The following FGL1 variants were observed in gnomAD, a reference collection of about 807,000 sequenced individuals.
FGL1 encodes fibrinogen-like protein 1.
Under a neutral mutation model 43.7 loss-of-function variants are expected in FGL1, and 59 were observed. The observed-to-expected ratio is 1.35, with a 90% CI of 1.10 to 1.68. FGL1 has a LOEUF of 1.68. FGL1 is among the 40% of genes most tolerant of loss of function. The probability of loss-of-function intolerance (pLI) is 0.00; values close to 1 mark genes in which losing one functional copy is unlikely to be tolerated. For synonymous variants in FGL1, 192 were observed against 126.5 expected (o/e 1.52, Z -3.48); for missense variants, 596 against 373.0 (o/e 1.60, Z -4.92).
rs188763631 is a variant in FGL1 at position 17,868,781 on chromosome 8, C to A, written c.592-46G>T. On this transcript the variant is annotated intron_variant, in intron 6 of 7. Transcript: ENST00000427924. ...TGCTGTCAGTGGAGTTCCTCTATGA[C>A]CATTTTAAAATTAAGTTTATTTCAT... 75 of 1,540,764 alleles carry A rather than the reference C, an allele frequency of 4.9e-5. No individual in the cohort carries two copies. The East Asian group carries it at 1.6e-3, about 33-fold the overall frequency.
chr8:17,865,656 A>T (rs1006614726), intron 7 of FGL1, among the ~76,000 whole-genome samples: 7 of 152,206 alleles, frequency 4.6e-5, no homozygotes, highest in African/African-American at 1.7e-4. Flanking sequence ...TGTCCTTGAT[A>T]TGTATAATTT....
rs770614549 is a variant in FGL1 at position 17,885,518 on chromosome 8, C to T, written c.37G>A (p.Ala13Thr). 1.4e-5 allele frequency: 23 copies of T among 1,613,416 alleles called. No homozygotes were observed. The highest frequency in any genetic ancestry group is 3.3e-4 in the Middle Eastern group (2 of 6,082). Residue 13 changes from alanine (A) to threonine (T), a missense_variant, in exon 2 of 8, where the codon GCT becomes ACT. Physicochemically the swap from Ala to Thr is moderately conservative, Grantham distance 58. Transcript: ENST00000427924. ...GAAATTTCCCTGCCCATTGTCAGAGCGGTGGTAACAAGGATGAAACTGAAC... is the reference window on the plus strand; with the variant it reads ...GAAATTTCCCTGCCCATTGTCAGAGTGGTGGTAACAAGGATGAAACTGAAC... ...KVFSFILVTT[A>T]LTMGREISAL... is the part of the protein sequence containing the mutation.
In FGL1 at chr8:17,874,309, A is replaced by T. The variant is rs1233865590; in HGVS notation, c.404+53T>A. Reference sequence around the variant, plus strand: ...AGGATATGATCAAAATATTTGACTTATAAATCTCACATTTGCTGCTACATA... The same window carrying T: ...AGGATATGATCAAAATATTTGACTTTTAAATCTCACATTTGCTGCTACATA... On this transcript the variant is annotated intron_variant, in intron 4 of 7. Transcript: ENST00000427924. 9 of 1,567,744 alleles carry T rather than the reference A, an allele frequency of 5.7e-6. No homozygotes were observed. The African/African-American group carries it at 1.2e-4, about 22-fold the overall frequency.
Position 17,881,996 on chromosome 8 carries a change from G to T in FGL1, c.244+3C>A. The T allele has an allele frequency of 1.2e-6, 2 of 1,613,144 alleles. No homozygotes were observed. Among genetic ancestry groups the T allele is most frequent in the South Asian group, 2.2e-5 (2 of 90,838 alleles). On this transcript the variant is annotated splice_donor_region_variant and intron_variant, in intron 3 of 7. Transcript: ENST00000427924. ...GAAACACTTAAGAAAAGTCCATTCTGACCTGCATACTGCCTCTTGCTTCCA... is the reference window on the plus strand; with the variant it reads ...GAAACACTTAAGAAAAGTCCATTCTTACCTGCATACTGCCTCTTGCTTCCA...
chr8:17,876,852 T>C (rs1184493101), intron 3 of FGL1, among the ~76,000 whole-genome samples: 2 of 152,244 alleles, frequency 1.3e-5, no homozygotes, highest in African/African-American at 4.8e-5. Context: ...GTTATTATTT[T>C]ATGCTAACTG....
intron 1 of FGL1, among the ~76,000 whole-genome samples, chr8:17,888,213 T>C (rs188816342): frequency 3.3e-5 from 5 of 152,308 alleles, no homozygotes; most frequent in Admixed American, 3.3e-4. Flanking sequence ...ACCCTCTGTG[T>C]ATTTTTATAA....
At chr8:17,886,705 C>A (rs978936563) in intron 1 of FGL1, among the ~76,000 whole-genome samples, 1 of 152,068 alleles carries the variant, frequency 6.6e-6, no homozygotes. Context: ...TTGCAGTGAG[C>A]CGAGATCGTG....
intron 1 of FGL1, among the ~76,000 whole-genome samples, chr8:17,890,010 A>T (rs1413249994): frequency 6.6e-6 from 1 of 152,250 alleles, no homozygotes; most frequent in Admixed American, 6.5e-5. Context: ...ATGTTAATAC[A>T]TTAATGTGTG....
intron 5 of FGL1, among the ~76,000 whole-genome samples, chr8:17,870,195 AC>A (rs552577921): frequency 2.2e-4 from 33 of 152,338 alleles, no homozygotes; most frequent in African/African-American, 7.7e-4. Context: ...ATATATGATG[AC>A]AAAAAATCTC....
intron 1 of FGL1, among the ~76,000 whole-genome samples, chr8:17,890,029 AAT>A (rs2053682833): frequency 6.6e-6 from 1 of 152,236 alleles, no homozygotes; most frequent in Non-Finnish European, 1.5e-5. Context: ...TGCCATTTAA[AAT>A]ATGTTTACAA....
At chr8:17,882,359 A>C (rs1034839128) in intron 2 of FGL1, 180 bp from the exon 3 acceptor site, 5 of 530,912 alleles carry the variant, frequency 9.4e-6, no homozygotes, top group Non-Finnish European at 1.6e-5. Flanking sequence ...AGAATTGGAA[A>C]TTATGGCTTA....
At chr8:17,882,782 ATATATAG>A (rs1220120496) in intron 2 of FGL1, 1 of 116,118 alleles carries the variant, frequency 8.6e-6, no homozygotes, top group African/African-American at 4.1e-5. Context: ...ACAATATATA[ATATATAG>A]TATATAATAT....
At chr8:17,876,921 G>A (rs2053465137) in intron 3 of FGL1, among the ~76,000 whole-genome samples, 1 of 152,034 alleles carries the variant, frequency 6.6e-6, no homozygotes. Flanking sequence ...AGAAGAAAAT[G>A]CCAAACACAA....
At chr8:17,885,103 T>C (rs2131736159) in intron 2 of FGL1, among the ~76,000 whole-genome samples, 1 of 152,020 alleles carries the variant, frequency 6.6e-6, no homozygotes, top group South Asian at 2.1e-4. Flanking sequence ...TGAAGTGGCA[T>C]GATCTCAGTT....
rs1177704223 is a variant in FGL1 at position 17,868,598 on chromosome 8, G to T, written c.729C>A (p.Asn243Lys). 1.2e-6 allele frequency: 2 copies of T among 1,613,906 alleles called. No individual in the cohort carries two copies. The highest frequency in any genetic ancestry group is 4.5e-5 in the East Asian group (2 of 44,854). ...KFSTWDRDHD[N>K]YEGNCAEEDQ... ...CTTCTTCTGCGCAGTTCCCTTCATAGTTGTCATGATCTCTGTCCCACGTGC... is the reference window on the plus strand; with the variant it reads ...CTTCTTCTGCGCAGTTCCCTTCATATTTGTCATGATCTCTGTCCCACGTGC... The change falls in exon 7 of 8, where the codon AAC becomes AAA. Residue 243 changes from asparagine to lysine, a missense_variant. Coordinates refer to ENST00000427924, the MANE Select transcript of FGL1 (RefSeq NM_004467.4).
chr8:17,894,161 CAG>C (rs765357787), intron 1 of FGL1, among the ~76,000 whole-genome samples: 4 of 146,444 alleles, frequency 2.7e-5, no homozygotes, highest in Non-Finnish European at 4.4e-5. Context: ...AATTACAAAA[CAG>C]AAGTACATTA....
chr8:17,886,442 A>G (rs1014788597), intron 1 of FGL1, among the ~76,000 whole-genome samples: 6 of 137,344 alleles, frequency 4.4e-5, no homozygotes, highest in African/African-American at 1.6e-4. Context: ...GTGCAATGTC[A>G]GCAAGTTGGT....
chr8:17,876,252 G>A (rs1262668859), intron 3 of FGL1, among the ~76,000 whole-genome samples: 3 of 151,962 alleles, frequency 2.0e-5, no homozygotes, highest in Non-Finnish European at 4.4e-5. Context: ...AAAAACAAAT[G>A]TTCATTGTTT....
intron 3 of FGL1, among the ~76,000 whole-genome samples, chr8:17,876,412 C>A (rs1563453064): frequency 6.6e-6 from 1 of 152,010 alleles, no homozygotes; most frequent in Non-Finnish European, 1.5e-5. Context: ...TGGTTGGGAC[C>A]AACCATATAC....
Sources: gnomAD v4.1 joint callset for allele counts (sites outside exome capture counted in the v4.1 genomes callset) on GRCh38, gnomAD v4.1.1 for gene constraint, MANE v1.5 for transcripts, NCBI Gene and HGNC (gene_info 2026-07-23, HGNC 2026-07-21) for gene names.